The following TGS1 variants were observed in gnomAD, a reference collection of about 807,000 sequenced individuals.
TGS1 encodes the protein trimethylguanosine synthase.
In TGS1, 69 loss-of-function variants were observed where a neutral mutation model predicts 92.2. The ratio of observed to expected loss-of-function variants is 0.75; its 90% confidence interval spans 0.62 to 0.91. The LOEUF (loss-of-function observed/expected upper bound fraction) is 0.91, where lower values mean the gene tolerates loss of function less well. Ranked by LOEUF, TGS1 falls within the 40% of genes least tolerant of loss-of-function variation. The pLI is 0.00. For missense variants in TGS1, 1,062 were observed against 1,001.2 expected, an observed-to-expected ratio of 1.06 and a Z score of -0.82; for synonymous variants, 345 against 338.1, an observed-to-expected ratio of 1.02 and a Z score of -0.22.
At chr8:55,818,084 C>G (rs1409948276) in intron 12 of TGS1, among the ~76,000 whole-genome samples, 1 of 152,216 alleles carries the variant, frequency 6.6e-6, no homozygotes, top group Non-Finnish European at 1.5e-5. Context: ...TGCTGTCTCC[C>G]ACTGACACAA....
rs148137516 is a variant in TGS1, at chr8:55,795,981, T to C, written c.1371T>C (p.Tyr457=). The C allele has an allele frequency of 1.2e-6, 2 of 1,612,174 alleles. No homozygotes were observed. Among genetic ancestry groups the C allele is most frequent in the East Asian group, 2.2e-5 (1 of 44,760 alleles). The part of the protein sequence containing the change: ...LGFKYGSGQK[Y]GGIPNFSHRQ... ...AACTTCTTTTGATCTGTCACAGATA[T>C]GGTGGAATCCCAAATTTCAGTCATC... The change falls in exon 7 of 13, where the codon TAT becomes TAC. Residue 457 remains tyrosine (Y), a synonymous_variant. Transcript: ENST00000260129.
intron 6 of TGS1, among the ~76,000 whole-genome samples, chr8:55,793,920 G>A (rs1049763575): frequency 1.3e-5 from 2 of 151,374 alleles, no homozygotes; most frequent in Admixed American, 6.6e-5. Context: ...GCCTCACCAC[G>A]TACACACATT....
At chr8:55,777,539 C>CT (rs1326712583) in intron 1 of TGS1, among the ~76,000 whole-genome samples, 36 of 147,532 alleles carry the variant, frequency 2.4e-4, no homozygotes, top group East Asian at 1.8e-3. Context: ...TTGCCATTAT[C>CT]TTTTTTTTTT....
chr8:55,816,219 T>G, intron 12 of TGS1, among the ~76,000 whole-genome samples: 1 of 152,216 alleles, frequency 6.6e-6, no homozygotes. Context: ...GCTTTGGATC[T>G]ACCATGCTTC....
rs567189086 is a variant in TGS1 at position 55,786,693 on chromosome 8, G to T, written c.795G>T (p.Ser265=). 1.2e-6 allele frequency: 2 copies of T among 1,614,048 alleles called. No homozygotes were observed. The highest frequency in any genetic ancestry group is 2.2e-5 in the South Asian group (2 of 91,078). Reference sequence around the variant, plus strand: ...CTCAGGGTTGGACTTTTGATGCCTCGCAAAGCTGTGATACAGATACTTACA... The same window carrying T: ...CTCAGGGTTGGACTTTTGATGCCTCTCAAAGCTGTGATACAGATACTTACA... ...WEAQGWTFDA[S]QSCDTDTYTS... The change falls in exon 4 of 13, where the codon TCG becomes TCT. Residue 265 remains serine (S), a synonymous_variant. Coordinates refer to ENST00000260129, the MANE Select transcript of TGS1 (RefSeq NM_024831.8).
rs760858088 is a variant in TGS1 at position 55,786,915 on chromosome 8, T to C, written c.1017T>C (p.Cys339=). The C allele has an allele frequency of 1.2e-5, 19 of 1,614,138 alleles. No individual in the cohort carries two copies. In the East Asian group the frequency reaches 2.7e-4, roughly 23 times the overall value. The change falls in exon 4 of 13, where the codon TGT becomes TGC. Residue 339 remains cysteine, a synonymous_variant. Transcript: ENST00000260129. ...EEVTQSQLDS[C]TSHDGHQQLS... Reference sequence around the variant, plus strand: ...TAACACAGAGCCAATTAGATTCCTGTACAAGTCATGATGGTCATCAACAGC... The same window carrying C: ...TAACACAGAGCCAATTAGATTCCTGCACAAGTCATGATGGTCATCAACAGC...
chr8:55,802,343 T>C (rs1427949530), intron 8 of TGS1, 114 bp from the exon 9 acceptor site: 4 of 830,572 alleles, frequency 4.8e-6, no homozygotes, highest in Admixed American at 2.3e-5. Flanking sequence ...GGGCGTGTCA[T>C]TATATACATG....
intron 4 of TGS1, among the ~76,000 whole-genome samples, chr8:55,787,818 G>A (rs939441875): frequency 5.3e-5 from 8 of 152,238 alleles, no homozygotes; most frequent in African/African-American, 1.4e-4. Flanking sequence ...TCAACTCCTG[G>A]TGAGGGCCTC....
chr8:55,793,762 A>T (rs1454294473), intron 6 of TGS1, among the ~76,000 whole-genome samples: 11 of 143,686 alleles, frequency 7.7e-5, no homozygotes, highest in African/African-American at 2.9e-4. Context: ...TTATTTATTT[A>T]TTTATTTATT....
At chr8:55,795,901 A>G in intron 6 of TGS1, 77 bp from the exon 7 acceptor site, 1 of 1,069,146 alleles carries the variant, frequency 9.4e-7, no homozygotes, top group Non-Finnish European at 1.4e-6. Context: ...TGAAAATGTT[A>G]GTTTCATCCT....
chr8:55,785,502 C>A (rs1432341526), intron 2 of TGS1, among the ~76,000 whole-genome samples: 1 of 152,026 alleles, frequency 6.6e-6, no homozygotes, highest in Admixed American at 6.6e-5. Context: ...GAGTTCAGAG[C>A]TTTTTAGTGC....
rs1563452166 is a variant in TGS1, at chr8:55,785,838, A to G, written c.286A>G (p.Ser96Gly). ...TGATTCTGAGGCTGAACTCATGAGA[A>G]GTATGGGATTGCCACTTCAATTTGG... ...ELDSEAELMR[S>G]MGLPLQFGRI... is the part of the protein sequence containing the mutation. Residue 96 changes from serine to glycine, a missense_variant, in exon 3 of 13, where the codon AGT becomes GGT. Ser to Gly is a moderately conservative substitution (Grantham distance 56). Transcript: ENST00000260129. 1.2e-5 allele frequency: 20 copies of G among 1,613,820 alleles called. No homozygotes were observed. In the East Asian group the frequency reaches 4.5e-4, roughly 36 times the overall value.
At chr8:55,789,915 A>G (rs1326252242) in intron 4 of TGS1, among the ~76,000 whole-genome samples, 1 of 152,208 alleles carries the variant, frequency 6.6e-6, no homozygotes. Flanking sequence ...ACAGTTCACT[A>G]CATGTGGAAA....
chr8:55,778,628 TAA>T (rs1811468859), intron 1 of TGS1, among the ~76,000 whole-genome samples: 1 of 152,220 alleles, frequency 6.6e-6, no homozygotes, highest in Non-Finnish European at 1.5e-5. Flanking sequence ...AGTCAGAATT[TAA>T]AAGAGTAGTG....
At chr8:55,812,085 C>T (rs1803355402) in intron 11 of TGS1, among the ~76,000 whole-genome samples, 1 of 152,184 alleles carries the variant, frequency 6.6e-6, no homozygotes, top group Non-Finnish European at 1.5e-5. Flanking sequence ...TGTATCTTCA[C>T]ATTTTTCCTG....
intron 12 of TGS1, among the ~76,000 whole-genome samples, chr8:55,823,729 G>C (rs1803716165): frequency 6.6e-6 from 1 of 152,114 alleles, no homozygotes; most frequent in African/African-American, 2.4e-5. Flanking sequence ...CAGGACAAAG[G>C]CTTTCAGGAA....
intron 5 of TGS1, among the ~76,000 whole-genome samples, chr8:55,790,982 C>CTT (rs1447490495): frequency 6.6e-6 from 1 of 151,920 alleles, no homozygotes; most frequent in Non-Finnish European, 1.5e-5. Flanking sequence ...CTCTCTCTCT[C>CTT]TCTCTCACCA....
intron 10 of TGS1, among the ~76,000 whole-genome samples, chr8:55,809,902 T>G (rs1803294211): frequency 6.6e-6 from 1 of 152,258 alleles, no homozygotes; most frequent in Admixed American, 6.5e-5. Flanking sequence ...TCTTTCCATC[T>G]GTCTCTGAAC....
rs1812150927 is a variant in TGS1, at chr8:55,799,196, G to A, written c.1825G>A (p.Asp609Asn). Residue 609 changes from aspartate to asparagine, a missense_variant, in exon 8 of 13, where the codon GAC (aspartate) becomes AAC (asparagine). Physicochemically the swap from Asp to Asn is conservative, Grantham distance 23 (BLOSUM62 1). Transcript: ENST00000260129. The stretch of plus-strand genomic sequence containing the variant: ...GGATTGTGTTACTCAAGAAGTGCCA[G>A]ACTCCCGCCAGGCAGAAACTGAAGG... Reference protein sequence around the residue: ...EQDCVTQEVPDSRQAETEAEV... With the variant: ...EQDCVTQEVPNSRQAETEAEV... 1 of 1,611,526 alleles carries A rather than the reference G, an allele frequency of 6.2e-7. No individual in the cohort carries two copies. The highest frequency in any genetic ancestry group is 8.5e-7 in the Non-Finnish European group (1 of 1,178,862).
Sources: allele counts gnomAD v4.1 joint callset (sites outside exome capture counted in the v4.1 genomes callset), GRCh38; gene constraint gnomAD v4.1.1; transcripts MANE v1.5; gene names NCBI Gene and HGNC (gene_info 2026-07-23, HGNC 2026-07-21).